The following NTSR1 variants were observed in gnomAD, a reference collection of about 807,000 sequenced individuals.
NTSR1 encodes neurotensin receptor type 1.
NTSR1 carries 29 observed loss-of-function variants against 31.2 expected under a neutral mutation model. The observed-to-expected ratio is 0.93, with a 90% CI of 0.69 to 1.27. The LOEUF (loss-of-function observed/expected upper bound fraction) is 1.27, where lower values mean the gene tolerates loss of function less well. Ranked by LOEUF, NTSR1 falls within the 50% of genes most tolerant of loss-of-function variation. The pLI is 0.00. For missense variants in NTSR1, 697 were observed against 595.4 expected, an observed-to-expected ratio of 1.17 and a Z score of -1.78; for synonymous variants, 282 against 269.9, an observed-to-expected ratio of 1.04 and a Z score of -0.44.
chr20:62,728,066 A>G (rs561390301), intron 1 of NTSR1, among the ~76,000 whole-genome samples: 1 of 151,826 alleles, frequency 6.6e-6, no homozygotes. Flanking sequence ...CTGGCTCTTT[A>G]CTCCCCCTCC....
At position 62,742,236 on chromosome 20, in the gene NTSR1, G is replaced by A. The variant is rs1396281501; in HGVS notation, c.715-12449G>A. 6.7e-6 allele frequency among the ~76,000 whole-genome samples: 1 copy of A among 149,384 alleles called. No homozygotes were observed. The highest frequency in any genetic ancestry group is 2.1e-4 in the South Asian group (1 of 4,758). On this transcript the variant is annotated intron_variant, in intron 1 of 3. Coordinates refer to ENST00000370501, the MANE Select transcript of NTSR1 (RefSeq NM_002531.3). The surrounding 1 kb of genome is among the most constrained non-coding windows in gnomAD (Gnocchi z 7.1). ...CTGACATGGCCCCTCCAGGTCACACGCCTGTTCTCTCTCCAGTCCTGCCCT... is the reference window on the plus strand; with the variant it reads ...CTGACATGGCCCCTCCAGGTCACACACCTGTTCTCTCTCCAGTCCTGCCCT...
chr20:62,731,384 G>T (rs181104216), intron 1 of NTSR1, among the ~76,000 whole-genome samples: 1 of 152,038 alleles, frequency 6.6e-6, no homozygotes, highest in South Asian at 2.1e-4. Flanking sequence ...ACGCCCAGCC[G>T]TGTAATTTCT....
Position 62,709,405 on chromosome 20 carries a change from G to T in NTSR1, c.198G>T (p.Val66=), listed in dbSNP as rs1301270693. ...VNTDIYSKVL[V]TAVYLALFVV... The stretch of plus-strand genomic sequence containing the variant: ...CCGACATCTACTCCAAGGTGCTGGT[G>T]ACCGCCGTGTACCTGGCGCTCTTCG... The change falls in exon 1 of 4, where the codon GTG becomes GTT. Residue 66 remains valine, a synonymous_variant. Transcript: ENST00000370501. 6.2e-7 allele frequency: 1 copy of T among 1,609,656 alleles called. No homozygotes were observed. Among genetic ancestry groups the T allele is most frequent in the African/African-American group, 1.3e-5 (1 of 74,880 alleles).
At chr20:62,716,858 C>A (rs1348932775) in intron 1 of NTSR1, among the ~76,000 whole-genome samples, 1 of 152,228 alleles carries the variant, frequency 6.6e-6, no homozygotes, top group African/African-American at 2.4e-5. Flanking sequence ...TGGTTCTTGG[C>A]GCTTGGTGGG....
chr20:62,752,223 G>A lies in NTSR1; in HGVS notation c.715-2462G>A, dbSNP rs532664042. ...ACCTCCCCTCACCCCCAGCAGCATC[G>A]CAGGCTTTCCTCCGAGTCCCCGCGC... On this transcript the variant is annotated intron_variant, in intron 1 of 3. Coordinates refer to ENST00000370501, the MANE Select transcript of NTSR1 (RefSeq NM_002531.3). Among the ~76,000 whole-genome samples the A allele has an allele frequency of 7.2e-5, 11 of 152,092 alleles. No homozygotes were observed. The East Asian group carries it at 7.7e-4, about 11-fold the overall frequency.
intron 1 of NTSR1, among the ~76,000 whole-genome samples, chr20:62,735,900 T>C (rs1989083189): frequency 6.6e-6 from 1 of 152,322 alleles, no homozygotes; most frequent in Non-Finnish European, 1.5e-5. Context: ...CCCCTTACCC[T>C]CCAATTCCTC....
At chr20:62,752,169 T>G (rs1215037256) in intron 1 of NTSR1, among the ~76,000 whole-genome samples, 1 of 152,226 alleles carries the variant, frequency 6.6e-6, no homozygotes, top group Non-Finnish European at 1.5e-5. Flanking sequence ...GGAAGGGGCC[T>G]GTCCTTCCCC....
rs535335120 is a variant in NTSR1 at position 62,714,109 on chromosome 20, A to C, written c.714+4188A>C. Among the ~76,000 whole-genome samples, 1 of 151,790 alleles carries C rather than the reference A, an allele frequency of 6.6e-6. No homozygotes were observed. The highest frequency in any genetic ancestry group is 2.4e-5 in the African/African-American group (1 of 41,060). On this transcript the variant is annotated intron_variant, in intron 1 of 3. Transcript: ENST00000370501. The surrounding 1 kb of genome is among the most constrained non-coding windows in gnomAD (Gnocchi z 4.1). Reference sequence around the variant, plus strand: ...CTGTCTCAAAGAAAAAAAAAGTTGCAGAAGAAGTTCTTCAAGGGGTCCTTA... The same window carrying C: ...CTGTCTCAAAGAAAAAAAAAGTTGCCGAAGAAGTTCTTCAAGGGGTCCTTA...
Position 62,709,276 on chromosome 20 carries a change from G to C in NTSR1, c.69G>C (p.Gln23His). 1 of 1,573,952 alleles carries C rather than the reference G, an allele frequency of 6.4e-7. No homozygotes were observed. The highest frequency in any genetic ancestry group is 8.6e-7 in the Non-Finnish European group (1 of 1,165,374). ...CCGCCGACCCCTTCCAGCGGGCGCAGGCCGGACTGGAGGAGGCGCTGCTGG... is the reference window on the plus strand; with the variant it reads ...CCGCCGACCCCTTCCAGCGGGCGCACGCCGGACTGGAGGAGGCGCTGCTGG... Reference protein sequence around the residue: ...TPAADPFQRAQAGLEEALLAP... With the variant: ...TPAADPFQRAHAGLEEALLAP... Residue 23 changes from glutamine to histidine, a missense_variant, in exon 1 of 4, where the codon CAG becomes CAC. Transcript: ENST00000370501.
intron 1 of NTSR1, among the ~76,000 whole-genome samples, chr20:62,729,992 C>T (rs943302993): frequency 4.6e-5 from 7 of 152,118 alleles, no homozygotes; most frequent in Non-Finnish European, 1.0e-4. Context: ...CACAGGACAG[C>T]GGCTCCATGG....
Position 62,741,554 on chromosome 20 carries a change from G to A in NTSR1, c.715-13131G>A, listed in dbSNP as rs989812783. 2.7e-5 allele frequency among the ~76,000 whole-genome samples: 4 copies of A among 149,526 alleles called. No homozygotes were observed. The highest frequency in any genetic ancestry group is 7.5e-5 in the African/African-American group (3 of 40,060). On this transcript the variant is annotated intron_variant, in intron 1 of 3. Coordinates refer to ENST00000370501, the MANE Select transcript of NTSR1 (RefSeq NM_002531.3). The surrounding 1 kb of genome is among the most constrained non-coding windows in gnomAD (Gnocchi z 4.3). ...TGTTCCTCCCACCCCATGTCTGTGC[G>A]CCCCTTCGAGCATGCCTGGGCATTG...
chr20:62,728,511 G>A (rs1988948397), intron 1 of NTSR1, among the ~76,000 whole-genome samples: 1 of 152,210 alleles, frequency 6.6e-6, no homozygotes, highest in African/African-American at 2.4e-5. Flanking sequence ...TCTAAAAATG[G>A]CAGAAGTTCA....
At position 62,744,658 on chromosome 20, in the gene NTSR1, C is replaced by T. The variant is rs934635658; in HGVS notation, c.715-10027C>T. Among the ~76,000 whole-genome samples the T allele has an allele frequency of 1.1e-4, 16 of 151,612 alleles. No individual in the cohort carries two copies. Among genetic ancestry groups the T allele is most frequent in the African/African-American group, 2.9e-4 (12 of 41,220 alleles). The stretch of plus-strand genomic sequence containing the variant: ...AGGAGAATCACTTGAACCTGGGAGA[C>T]GGAGGTTGTGATAAGCAGAAATCGC... On this transcript the variant is annotated intron_variant, in intron 1 of 3. Transcript: ENST00000370501. This position sits in a 1 kb window ranked among gnomAD's most constrained non-coding sequence, Gnocchi z 4.1.
Position 62,743,537 on chromosome 20 carries a change from C to A in NTSR1, c.715-11148C>A, listed in dbSNP as rs911222750. On this transcript the variant is annotated intron_variant, in intron 1 of 3. Coordinates refer to ENST00000370501, the MANE Select transcript of NTSR1 (RefSeq NM_002531.3). This position sits in a 1 kb window ranked among gnomAD's most constrained non-coding sequence, Gnocchi z 7.5. The stretch of plus-strand genomic sequence containing the variant: ...TGCTCAGGGAGAGGGCGATCCCCTG[C>A]CAGCCCAGCAAGGCCACCCCAGCGG... 1.3e-5 allele frequency among the ~76,000 whole-genome samples: 2 copies of A among 152,160 alleles called. No individual in the cohort carries two copies. The highest frequency in any genetic ancestry group is 2.9e-5 in the Non-Finnish European group (2 of 68,020).
intron 2 of NTSR1, among the ~76,000 whole-genome samples, chr20:62,755,359 T>TTC (rs1989473943): frequency 4.8e-5 from 1 of 20,996 alleles, no homozygotes. Context: ...CTCTCTCCCT[T>TTC]CCTCCCTTCA....
In NTSR1 at chr20:62,754,762, C is replaced by T. The variant is rs141577332; in HGVS notation, c.792C>T (p.Thr264=). The T allele has an allele frequency of 9.3e-6, 15 of 1,612,498 alleles. No individual in the cohort carries two copies. The highest frequency in any genetic ancestry group is 5.3e-5 in the African/African-American group (4 of 74,824). ...ACACCATCATCGCCAACAAGCTGAC[C>T]GTCATGGTACGCCAGGCGGCCGAGC... ...VLNTIIANKL[T]VMVRQAAEQG... Residue 264 remains threonine (T), a synonymous_variant, in exon 2 of 4, where the codon ACC becomes ACT. Transcript: ENST00000370501.
chr20:62,750,760 G>C (rs986868454), intron 1 of NTSR1, among the ~76,000 whole-genome samples: 1 of 150,818 alleles, frequency 6.6e-6, no homozygotes, highest in Non-Finnish European at 1.5e-5. Flanking sequence ...TAAATCTTGT[G>C]TTCCCACCAT....
Position 62,745,684 on chromosome 20 carries a change from G to A in NTSR1, c.715-9001G>A, listed in dbSNP as rs890090427. 1.3e-5 allele frequency among the ~76,000 whole-genome samples: 2 copies of A among 152,230 alleles called. No individual in the cohort carries two copies. The highest frequency in any genetic ancestry group is 2.9e-5 in the Non-Finnish European group (2 of 68,034). On this transcript the variant is annotated intron_variant, in intron 1 of 3. Transcript: ENST00000370501. The surrounding 1 kb of genome is among the most constrained non-coding windows in gnomAD (Gnocchi z 4.1). ...AAAGACAGACAGAGACACATATTCTGCCTCGCCTCCAAATCCAGCTTGGCG... is the reference window on the plus strand; with the variant it reads ...AAAGACAGACAGAGACACATATTCTACCTCGCCTCCAAATCCAGCTTGGCG...
chr20:62,711,612 A>G lies in NTSR1; in HGVS notation c.714+1691A>G, dbSNP rs1568694370. Among the ~76,000 whole-genome samples the G allele has an allele frequency of 1.8e-5, 2 of 108,140 alleles. No homozygotes were observed. The highest frequency in any genetic ancestry group is 1.2e-4 in the Admixed American group (1 of 8,520). 70.9% of individuals were successfully genotyped at this position (108,140 alleles called of 152,430 possible). A position where few individuals can be genotyped will look rare whatever the true frequency, so the allele number is the denominator to read the frequency against. ...CCCGATCCCCCCGCTCAGAACCCCG[A>G]TCCCCCTGCTCCCCTGGCAAAAGGC... On this transcript the variant is annotated intron_variant, in intron 1 of 3. Transcript: ENST00000370501. The surrounding 1 kb of genome is among the most constrained non-coding windows in gnomAD (Gnocchi z 6.4).
Sources: gnomAD v4.1 joint callset for allele counts (sites outside exome capture counted in the v4.1 genomes callset) on GRCh38, gnomAD v4.1.1 for gene constraint, Gnocchi (gnomAD v3.1) non-coding constraint, MANE v1.5 for transcripts, NCBI Gene and HGNC (gene_info 2026-07-23, HGNC 2026-07-21) for gene names.